The following TBRG4 variants were observed in gnomAD, a reference collection of about 807,000 sequenced individuals.
TBRG4 encodes transforming growth factor beta regulator 4.
A neutral mutation model predicts 65.6 loss-of-function variants in TBRG4; 43 were observed. The ratio of observed to expected loss-of-function variants is 0.66; its 90% CI spans 0.51 to 0.85. The LOEUF is 0.85. TBRG4 is among the 40% of genes least tolerant of loss of function. The pLI, the probability that TBRG4 is intolerant of heterozygous loss-of-function variation, is 0.00. For synonymous variants in TBRG4, 366 were observed against 341.4 expected, an observed-to-expected ratio of 1.07 and a Z score of -0.79; for missense variants, 709 against 787.9, an observed-to-expected ratio of 0.90 and a Z score of 1.20.
At position 45,101,248 on chromosome 7, in the gene TBRG4, A is replaced by T; in HGVS notation, c.1794+10T>A. The T allele has an allele frequency of 6.2e-7, 1 of 1,610,960 alleles. No individual in the cohort carries two copies. The highest frequency in any genetic ancestry group is 8.5e-7 in the Non-Finnish European group (1 of 1,178,124). ...CCTGTGCAGTGACCACCTGCCCAAG[A>T]GGTACTCACGTCCACTATCAGGAAG... is the stretch of plus-strand genomic sequence containing the variant. On this transcript the variant is annotated intron_variant, in intron 10 of 10. Coordinates refer to ENST00000258770, the MANE Select transcript of TBRG4 (RefSeq NM_004749.4).
At chr7:45,104,017 T>A in intron 5 of TBRG4, 82 bp downstream of exon 5, 1 of 1,457,282 alleles carries the variant, frequency 6.9e-7, no homozygotes, top group Non-Finnish European at 9.1e-7. Flanking sequence ...CAGACTGGCT[T>A]TACTTTCCCG....
At chr7:45,107,194 C>T (rs1460976143) in intron 2 of TBRG4, 1 of 152,226 alleles carries the variant, frequency 6.6e-6, no homozygotes, top group Non-Finnish European at 1.5e-5. Context: ...AAATGCCAGG[C>T]ATCCTTCTGT....
At chr7:45,106,632 C>T (rs1276656508) in intron 2 of TBRG4, 2 of 152,516 alleles carry the variant, frequency 1.3e-5, no homozygotes, top group African/African-American at 2.4e-5. Context: ...AAAAATTAGC[C>T]AGGTGTGGTG....
In TBRG4 at chr7:45,100,271, G is replaced by T; in HGVS notation, c.*54C>A. On this transcript the variant is annotated 3_prime_UTR_variant, in exon 11 of 11. Transcript: ENST00000258770. ...TCCTCAAGGGTGACCCTTCTTGGCCGCCCACAGCTAGACCTCCGGCGGAGA... is the reference window on the plus strand; with the variant it reads ...TCCTCAAGGGTGACCCTTCTTGGCCTCCCACAGCTAGACCTCCGGCGGAGA... 1 of 1,507,694 alleles carries T rather than the reference G, an allele frequency of 6.6e-7. No homozygotes were observed. 93.4% of individuals were successfully genotyped at this position (1,507,694 alleles called of 1,614,324 possible). A position where few individuals can be genotyped will look rare whatever the true frequency, so the allele number is the denominator to read the frequency against.
chr7:45,105,312 A>T, intron 3 of TBRG4, 129 bp downstream of exon 3: 1 of 1,076,856 alleles, frequency 9.3e-7, no homozygotes, highest in Non-Finnish European at 1.3e-6. Flanking sequence ...CTGAGGCTCC[A>T]GACAGAAGCT....
chr7:45,107,758 A>T (rs1335962020), intron 2 of TBRG4: 2 of 154,460 alleles, frequency 1.3e-5, no homozygotes, highest in Non-Finnish European at 2.9e-5. Context: ...TACAATGTTC[A>T]GTCTTGCATC....
rs1167143442 is a variant in TBRG4, at chr7:45,111,654, C to T, written c.-62G>A. The T allele has an allele frequency of 7.8e-7, 1 of 1,289,492 alleles. No homozygotes were observed. Among genetic ancestry groups the T allele is most frequent in the Non-Finnish European group, 1.0e-6 (1 of 988,860 alleles). 79.9% of individuals were successfully genotyped at this position (1,289,492 alleles called of 1,614,324 possible). A position where few individuals can be genotyped will look rare whatever the true frequency, so the allele number is the denominator to read the frequency against. On this transcript the variant is annotated 5_prime_UTR_variant, in exon 1 of 11. It introduces an in-frame stop codon into an upstream open reading frame of the 5' UTR. Transcript: ENST00000258770. ...GCCACAAGACCTACGCAGCGAGCAC[C>T]ACCGCTGACCTCCATCCGCCGCCCT...
chr7:45,106,731 G>C (rs1462996004), intron 2 of TBRG4: 2 of 152,266 alleles, frequency 1.3e-5, no homozygotes, highest in African/African-American at 4.8e-5. Flanking sequence ...AGCTGAGATT[G>C]TGCCACTGCA....
intron 2 of TBRG4, chr7:45,106,343 C>A (rs1437261820): frequency 4.1e-6 from 1 of 246,710 alleles, no homozygotes; most frequent in East Asian, 9.2e-5. Flanking sequence ...GTCCTGGCTA[C>A]AGCTCTGGGT....
At position 45,103,498 on chromosome 7, in the gene TBRG4, G is replaced by A. The variant is rs1219676959; in HGVS notation, c.1066-55C>T. 2.9e-6 allele frequency: 4 copies of A among 1,382,826 alleles called. No individual in the cohort carries two copies. The East Asian group carries it at 7.5e-5, about 26-fold the overall frequency. 85.7% of individuals were successfully genotyped at this position (1,382,826 alleles called of 1,614,324 possible). ...GAATAAGCTCTCTGCCCAGCACGCT[G>A]TCCTCCTGCCTGGCTCTGAGTCTGA... is the stretch of plus-strand genomic sequence containing the variant. On this transcript the variant is annotated intron_variant, in intron 5 of 10. Coordinates refer to ENST00000258770, the MANE Select transcript of TBRG4 (RefSeq NM_004749.4).
chr7:45,101,708 C>G, intron 8 of TBRG4, 94 bp from the exon 9 acceptor site: 1 of 1,594,602 alleles, frequency 6.3e-7, no homozygotes, highest in Non-Finnish European at 8.5e-7. Context: ...TGTGGGGAGC[C>G]CAGGCTGACA....
intron 1 of TBRG4, among the ~76,000 whole-genome samples, chr7:45,110,127 CAAT>C (rs1194115747): frequency 6.6e-6 from 1 of 152,088 alleles, no homozygotes; most frequent in Non-Finnish European, 1.5e-5. Context: ...AATTCTGAAC[CAAT>C]AATAAGAAGC....
At chr7:45,105,168 G>C (rs1255814603) in intron 3 of TBRG4, 1 of 624,726 alleles carries the variant, frequency 1.6e-6, no homozygotes, top group Admixed American at 2.5e-5. Context: ...TGCTGTGATG[G>C]GGTTTGGGGG....
Position 45,109,279 on chromosome 7 carries a change from T to C in TBRG4, c.-42A>G. 6.5e-7 allele frequency: 1 copy of C among 1,527,062 alleles called. No individual in the cohort carries two copies. The highest frequency in any genetic ancestry group is 1.3e-5 in the South Asian group (1 of 76,506). The allele number at this position is 1,527,062 out of a possible 1,614,324, so 94.6% of individuals were successfully genotyped here. ...GAGAGACAAGACTCCTAGCAAGTGA[T>C]TCCAAACCCTGAAGAGAAAAAGGAG... On this transcript the variant is annotated 5_prime_UTR_variant, in exon 2 of 11. Coordinates refer to ENST00000258770, the MANE Select transcript of TBRG4 (RefSeq NM_004749.4).
At chr7:45,102,690 C>T in intron 6 of TBRG4, 199 bp from the exon 7 acceptor site, 1 of 671,640 alleles carries the variant, frequency 1.5e-6, no homozygotes, top group Non-Finnish European at 2.5e-6. Context: ...AGGAATCTTC[C>T]TCATGCCCCA....
intron 8 of TBRG4, 22 bp downstream of exon 8, chr7:45,101,803 G>A (rs1429143031): frequency 6.2e-7 from 1 of 1,601,940 alleles, no homozygotes. Context: ...CAGGCCCTGT[G>A]CCAACCAGGG....
rs1784829593 is a variant in TBRG4, at chr7:45,103,317, A to G, written c.1176+16T>C. On this transcript the variant is annotated intron_variant, in intron 6 of 10. Coordinates refer to ENST00000258770, the MANE Select transcript of TBRG4 (RefSeq NM_004749.4). Reference sequence around the variant, plus strand: ...GGGAGGATAAAGGTCGAGCAGTGGGAGCCCAGAGGCCCTACCAGGCTGAAG... The same window carrying G: ...GGGAGGATAAAGGTCGAGCAGTGGGGGCCCAGAGGCCCTACCAGGCTGAAG... 6.3e-7 allele frequency: 1 copy of G among 1,599,284 alleles called. No individual in the cohort carries two copies. The highest frequency in any genetic ancestry group is 8.6e-7 in the Non-Finnish European group (1 of 1,169,516).
At position 45,100,280 on chromosome 7, in the gene TBRG4, T is replaced by C. The variant is rs1157575314; in HGVS notation, c.*45A>G. The C allele has an allele frequency of 1.3e-6, 2 of 1,562,584 alleles. No homozygotes were observed. The highest frequency in any genetic ancestry group is 1.1e-5 in the South Asian group (1 of 88,574). ...GTGACCCTTCTTGGCCGCCCACAGCTAGACCTCCGGCGGAGAGGCACGCAG... is the reference window on the plus strand; with the variant it reads ...GTGACCCTTCTTGGCCGCCCACAGCCAGACCTCCGGCGGAGAGGCACGCAG... On this transcript the variant is annotated 3_prime_UTR_variant, in exon 11 of 11. Coordinates refer to ENST00000258770, the MANE Select transcript of TBRG4 (RefSeq NM_004749.4).
intron 2 of TBRG4, chr7:45,107,138 C>T (rs996213151): frequency 1.3e-5 from 2 of 152,156 alleles, no homozygotes; most frequent in Admixed American, 1.3e-4. Context: ...CTAGGGATGA[C>T]CAAGCTGCTG....
Sources: allele counts gnomAD v4.1 joint callset (sites outside exome capture counted in the v4.1 genomes callset), GRCh38; gene constraint gnomAD v4.1.1; transcripts MANE v1.5; gene names NCBI Gene and HGNC (gene_info 2026-07-23, HGNC 2026-07-21).